Variants in BICC1 observed in about 807,000 individuals in gnomAD.
BICC1 encodes the protein protein bicaudal C homolog 1.
BICC1 carries 43 observed loss-of-function variants against 111.0 expected under a neutral mutation model. That is an observed-to-expected ratio of 0.39 (90% CI 0.30 to 0.50). BICC1 has a LOEUF of 0.50. BICC1 is among the 20% of genes least tolerant of loss of function. The probability of loss-of-function intolerance (pLI) is 0.88; values close to 1 mark genes in which losing one functional copy is unlikely to be tolerated. For missense variants in BICC1, 1,091 were observed against 1,203.2 expected, an observed-to-expected ratio of 0.91 and a Z score of 1.38; for synonymous variants, 467 against 434.4, an observed-to-expected ratio of 1.07 and a Z score of -0.93.
chr10:58,685,585 C>G (rs1839694949), intron 2 of BICC1, among the ~76,000 whole-genome samples: 1 of 152,176 alleles, frequency 6.6e-6, no homozygotes, highest in South Asian at 2.1e-4. Context: ...GGAGAGTTAG[C>G]TCTTCTTGTG....
chr10:58,558,396 C>A (rs1843513476), intron 1 of BICC1, among the ~76,000 whole-genome samples: 1 of 152,086 alleles, frequency 6.6e-6, no homozygotes, highest in Non-Finnish European at 1.5e-5. Flanking sequence ...CTTCTAGGTT[C>A]CACCTTGCTT....
chr10:58,632,450 C>G (rs1276191487), intron 2 of BICC1, among the ~76,000 whole-genome samples: 1 of 151,884 alleles, frequency 6.6e-6, no homozygotes, highest in East Asian at 1.9e-4. Context: ...AGAAGTGGCA[C>G]AGAAGTGCCA....
chr10:58,583,580 CTCTCTGTG>C (rs1424801596), intron 1 of BICC1, among the ~76,000 whole-genome samples: 3 of 65,542 alleles, frequency 4.6e-5, no homozygotes, highest in African/African-American at 1.6e-4. Context: ...AGTATTCTCT[CTCTCTGTG>C]TGTGTGTGTG....
At chr10:58,697,844 A>G (rs968095253) in intron 2 of BICC1, among the ~76,000 whole-genome samples, 4 of 151,286 alleles carry the variant, frequency 2.6e-5, no homozygotes, top group Admixed American at 6.6e-5. Context: ...CCCGGATGCA[A>G]TAATCTAGCT....
intron 2 of BICC1, among the ~76,000 whole-genome samples, chr10:58,624,323 A>G (rs1386548528): frequency 2.6e-5 from 4 of 152,224 alleles, no homozygotes; most frequent in African/African-American, 9.6e-5. Context: ...GGTCCCAGGC[A>G]TTAGTACTTC....
At chr10:58,652,815 C>T (rs767369629) in intron 2 of BICC1, among the ~76,000 whole-genome samples, 8 of 152,006 alleles carry the variant, frequency 5.3e-5, no homozygotes, top group Non-Finnish European at 1.0e-4. Context: ...ACTTATCTTA[C>T]ACGTGTAATA....
chr10:58,779,908 C>T (rs1020456161), intron 3 of BICC1, among the ~76,000 whole-genome samples: 3 of 151,860 alleles, frequency 2.0e-5, no homozygotes, highest in African/African-American at 7.3e-5. Flanking sequence ...AGATTTTTTT[C>T]ACAAAATTGT....
chr10:58,688,261 G>A (rs1055714445), intron 2 of BICC1, among the ~76,000 whole-genome samples: 2 of 152,084 alleles, frequency 1.3e-5, no homozygotes, highest in South Asian at 2.1e-4. Context: ...GTGCCGCCAC[G>A]TCCTGCTGAT....
intron 2 of BICC1, among the ~76,000 whole-genome samples, chr10:58,623,341 A>C (rs1588942077): frequency 6.6e-6 from 1 of 152,194 alleles, no homozygotes; most frequent in South Asian, 2.1e-4. Flanking sequence ...ATTATCTCAA[A>C]TTTGAGGCTG....
At chr10:58,612,126 G>T (rs1280667779) in intron 1 of BICC1, among the ~76,000 whole-genome samples, 5 of 152,182 alleles carry the variant, frequency 3.3e-5, no homozygotes, top group Non-Finnish European at 7.3e-5. Flanking sequence ...GAAATTTAAA[G>T]TTAGAAGTGT....
At chr10:58,762,207 G>A (rs950495880) in intron 3 of BICC1, among the ~76,000 whole-genome samples, 4 of 152,136 alleles carry the variant, frequency 2.6e-5, no homozygotes, top group Non-Finnish European at 4.4e-5. Context: ...GGGCAAGTAA[G>A]TGAAAGCTGG....
intron 18 of BICC1, chr10:58,814,206 C>T: frequency 1.6e-6 from 1 of 634,616 alleles, no homozygotes; most frequent in Non-Finnish European, 2.9e-6. Flanking sequence ...CTAGCACTTG[C>T]CATACCAAAG....
intron 17 of BICC1, 121 bp from the exon 18 acceptor site, chr10:58,813,708 AG>A: frequency 1.0e-6 from 1 of 1,000,670 alleles, no homozygotes; most frequent in Admixed American, 2.2e-5. Context: ...AACACTCATG[AG>A]TAACTGCGGT....
At chr10:58,787,197 C>T (rs1028256737) in intron 5 of BICC1, 116 bp downstream of exon 5, 2 of 942,454 alleles carry the variant, frequency 2.1e-6, no homozygotes, top group African/African-American at 3.4e-5. Context: ...ACATAGATGA[C>T]ATACAGTGTA....
At position 58,770,795 on chromosome 10, in the gene BICC1, A is replaced by G. The variant is rs114029641; in HGVS notation, c.308-14206A>G. On this transcript the variant is annotated intron_variant, in intron 3 of 20. Transcript: ENST00000373886. ...TGCACCAGCATGTGATGTGTCTGCA[A>G]TGCTGTTATAAATGCCATCTTAGGC... Among the ~76,000 whole-genome samples, 852 of 152,336 alleles carry G rather than the reference A, an allele frequency of 5.6e-3. 10 individuals carry two copies. Among genetic ancestry groups the G allele is most frequent in the African/African-American group, 0.02 (813 of 41,576 alleles).
chr10:58,807,221 T>C, intron 17 of BICC1, 63 bp downstream of exon 17: 1 of 1,484,614 alleles, frequency 6.7e-7, no homozygotes, highest in Non-Finnish European at 9.2e-7. Context: ...AGGACAGTCC[T>C]TCCCCCACCC....
chr10:58,607,860 G>C (rs368580395), intron 1 of BICC1, among the ~76,000 whole-genome samples: 5 of 152,264 alleles, frequency 3.3e-5, no homozygotes, highest in African/African-American at 1.2e-4. Context: ...TGCATCAGCT[G>C]TGCACCTGAA....
intron 3 of BICC1, among the ~76,000 whole-genome samples, chr10:58,742,625 A>C (rs1157817186): frequency 6.6e-6 from 1 of 151,544 alleles, no homozygotes; most frequent in Non-Finnish European, 1.5e-5. Flanking sequence ...TTTAGTAGAG[A>C]TGGCGTTTCA....
At chr10:58,533,467 A>G (rs1237165669) in intron 1 of BICC1, among the ~76,000 whole-genome samples, 9 of 151,868 alleles carry the variant, frequency 5.9e-5, no homozygotes, top group Non-Finnish European at 4.4e-5. Flanking sequence ...GACAAGAAAT[A>G]AAGTTCATAT....
Sources: allele counts gnomAD v4.1 joint callset (sites outside exome capture counted in the v4.1 genomes callset), GRCh38; gene constraint gnomAD v4.1.1; transcripts MANE v1.5; gene names NCBI Gene and HGNC (gene_info 2026-07-23, HGNC 2026-07-21).